The following CEP70 variants were observed in gnomAD, a reference collection of about 807,000 sequenced individuals.
The protein encoded by CEP70 is centrosomal protein 70, also known as centrosomal protein of 70 kDa.
A neutral mutation model predicts 90.9 loss-of-function variants in CEP70; 70 were observed. The observed-to-expected ratio is 0.77, with a 90% confidence interval of 0.64 to 0.94. The LOEUF is 0.94. CEP70 is among the 40% of genes least tolerant of loss of function. The pLI is 0.00. For missense variants in CEP70, 648 were observed against 669.0 expected (o/e 0.97, Z 0.35); for synonymous variants, 220 against 228.3 (o/e 0.96, Z 0.33).
rs751918801 is a variant in CEP70 at position 138,529,428 on chromosome 3, C to T, written c.727G>A (p.Glu243Lys). 1 of 1,607,604 alleles carries T rather than the reference C, an allele frequency of 6.2e-7. No individual in the cohort carries two copies. The highest frequency in any genetic ancestry group is 8.5e-7 in the Non-Finnish European group (1 of 1,175,936). Reference protein sequence around the residue: ...YKEDESQSEEENDYRNLDASP... With the variant: ...YKEDESQSEEKNDYRNLDASP... Reference sequence around the variant, plus strand: ...GCATCCAGATTTCTGTAGTCGTTTTCTTCTTCTGACTGACTTTCATCTTCT... The same window carrying T: ...GCATCCAGATTTCTGTAGTCGTTTTTTTCTTCTGACTGACTTTCATCTTCT... Residue 243 changes from glutamate to lysine, a missense_variant, in exon 9 of 18, where the codon GAA (glutamate) becomes AAA (lysine). Coordinates refer to ENST00000264982, the MANE Select transcript of CEP70 (RefSeq NM_024491.4).
chr3:138,506,259 G>A (rs1264713560), intron 12 of CEP70, among the ~76,000 whole-genome samples: 2 of 152,122 alleles, frequency 1.3e-5, no homozygotes, highest in Non-Finnish European at 2.9e-5. Flanking sequence ...TGAGGCAGGA[G>A]GATCACTTGA....
intron 2 of CEP70, among the ~76,000 whole-genome samples, chr3:138,581,694 C>CAAAAAAAAAAAAAAAAAAAAA (rs35064874): frequency 3.8e-5 from 3 of 79,356 alleles, no homozygotes; most frequent in Non-Finnish European, 4.9e-5. Flanking sequence ...AAACTTGTCT[C>CAAAAAAAAAAAAAAAAAAAAA]AAAAAAAAAA....
At chr3:138,547,593 AG>A (rs1390831925) in intron 6 of CEP70, among the ~76,000 whole-genome samples, 1 of 152,234 alleles carries the variant, frequency 6.6e-6, no homozygotes, top group African/African-American at 2.4e-5. Flanking sequence ...TTTCACTTAA[AG>A]GAAGTACTTC....
chr3:138,536,910 T>C (rs139430546), intron 7 of CEP70: 3,878 of 218,246 alleles, frequency 0.018, 44 homozygotes, highest in Middle Eastern at 0.035. Context: ...TCAGTTATTT[T>C]GAGAAATGTC....
At chr3:138,496,182 C>T in intron 17 of CEP70, 1 of 985,402 alleles carries the variant, frequency 1.0e-6, no homozygotes, top group Non-Finnish European at 1.2e-6. Flanking sequence ...TCTGTTAAGC[C>T]ATCATTAATA....
chr3:138,499,986 G>A (rs2034338856), intron 16 of CEP70, 124 bp downstream of exon 16: 1 of 704,774 alleles, frequency 1.4e-6, no homozygotes, highest in Non-Finnish European at 2.6e-6. Flanking sequence ...TGCTCAGACT[G>A]GACTTAAACT....
In CEP70 at chr3:138,495,103, A is replaced by G. The variant is rs1560263287; in HGVS notation, c.1733-27T>C. 3 of 1,403,014 alleles carry G rather than the reference A, an allele frequency of 2.1e-6. No individual in the cohort carries two copies. The South Asian group carries it at 3.6e-5, about 17-fold the overall frequency. 86.9% of individuals were successfully genotyped at this position (1,403,014 alleles called of 1,614,324 possible). ...TGTAATACAAAAACAGTAATAATAA[A>G]AGAGAGTAACTTTTTCTAGTGGTAA... On this transcript the variant is annotated intron_variant, in intron 17 of 17. Coordinates refer to ENST00000264982, the MANE Select transcript of CEP70 (RefSeq NM_024491.4).
intron 13 of CEP70, among the ~76,000 whole-genome samples, chr3:138,504,745 A>G (rs2034821793): frequency 1.3e-5 from 2 of 152,228 alleles, no homozygotes; most frequent in Non-Finnish European, 1.5e-5. Flanking sequence ...GTGGTCTTCC[A>G]TGAAGAGATA....
intron 2 of CEP70, among the ~76,000 whole-genome samples, chr3:138,583,948 T>A (rs1205306997): frequency 6.6e-6 from 1 of 151,862 alleles, no homozygotes; most frequent in Non-Finnish European, 1.5e-5. Flanking sequence ...GCAGAAATAA[T>A]GAAATTGAAA....
chr3:138,530,802 C>T, intron 8 of CEP70: 1 of 984,826 alleles, frequency 1.0e-6, no homozygotes, highest in East Asian at 1.1e-4. Context: ...TAGATGATAC[C>T]TATATCCTAT....
chr3:138,572,968 T>G (rs774719584), intron 2 of CEP70, 36 bp from the exon 3 acceptor site: 8 of 1,497,664 alleles, frequency 5.3e-6, no homozygotes, highest in African/African-American at 4.2e-5. Flanking sequence ...AATTGGCAAT[T>G]AAAAAATTTG....
chr3:138,555,810 C>T (rs942060418), intron 6 of CEP70, among the ~76,000 whole-genome samples: 1 of 152,160 alleles, frequency 6.6e-6, no homozygotes, highest in Admixed American at 6.5e-5. Context: ...TTCTACACTG[C>T]TGGTGGGAAT....
intron 11 of CEP70, among the ~76,000 whole-genome samples, chr3:138,514,037 C>T (rs2108748655): frequency 6.6e-6 from 1 of 151,772 alleles, no homozygotes; most frequent in East Asian, 1.9e-4. Flanking sequence ...TGTAGCATTT[C>T]CTTTAGAAAA....
At chr3:138,531,346 T>C (rs1188120623) in intron 8 of CEP70, among the ~76,000 whole-genome samples, 3 of 152,126 alleles carry the variant, frequency 2.0e-5, no homozygotes, top group African/African-American at 7.2e-5. Flanking sequence ...TTAAATCTTT[T>C]CTACTCTTAC....
At chr3:138,557,443 G>A (rs1200273890) in intron 6 of CEP70, among the ~76,000 whole-genome samples, 2 of 152,198 alleles carry the variant, frequency 1.3e-5, no homozygotes, top group African/African-American at 4.8e-5. Flanking sequence ...GATTGGGGAA[G>A]TGATAAGCGT....
intron 11 of CEP70, among the ~76,000 whole-genome samples, chr3:138,523,609 T>G (rs1001389028): frequency 3.9e-5 from 6 of 151,992 alleles, no homozygotes; most frequent in African/African-American, 1.5e-4. Context: ...AAATCATGAG[T>G]GAACTCCCAT....
chr3:138,555,977 T>C (rs533506154), intron 6 of CEP70, among the ~76,000 whole-genome samples: 1 of 152,308 alleles, frequency 6.6e-6, no homozygotes, highest in African/African-American at 2.4e-5. Flanking sequence ...TATAACATTA[T>C]ACAAAAGCAC....
chr3:138,521,010 A>T (rs2036565884), intron 11 of CEP70, among the ~76,000 whole-genome samples: 1 of 152,094 alleles, frequency 6.6e-6, no homozygotes, highest in South Asian at 2.1e-4. Flanking sequence ...GGGTTTCGCC[A>T]TGTTGGCCGG....
At chr3:138,585,620 C>A (rs570116918) in intron 2 of CEP70, among the ~76,000 whole-genome samples, 1 of 152,244 alleles carries the variant, frequency 6.6e-6, no homozygotes, top group African/African-American at 2.4e-5. Flanking sequence ...GGAGGAATCA[C>A]ATTAACTGAC....
Sources: allele counts gnomAD v4.1 joint callset (sites outside exome capture counted in the v4.1 genomes callset), GRCh38; gene constraint gnomAD v4.1.1; transcripts MANE v1.5; gene names NCBI Gene and HGNC (gene_info 2026-07-23, HGNC 2026-07-21).